AMMECR1: variants seen among roughly 807,000 people sequenced by gnomAD.
AMMECR1 encodes the protein nuclear protein AMMECR1.
Under a neutral mutation model 22.5 loss-of-function variants are expected in AMMECR1, and 3 were observed. The observed-to-expected ratio is 0.13, with a 90% CI of 0.06 to 0.35. The LOEUF (loss-of-function observed/expected upper bound fraction) is 0.35. Among genes scored for constraint, AMMECR1 ranks in the 10% least tolerant of loss-of-function variants. AMMECR1 has a pLI of 1.00. For missense variants in AMMECR1, 235 were observed against 278.7 expected (o/e 0.84, Z 1.12); for synonymous variants, 130 against 116.7 (o/e 1.11, Z -0.74).
At chrX:110,242,836 A>G (rs1249678723) in intron 2 of AMMECR1, among the ~76,000 whole-genome samples, 1 of 112,383 alleles carries the variant, frequency 8.9e-6, no homozygotes, top group Non-Finnish European at 1.9e-5. Flanking sequence ...TTTTCTAAAT[A>G]AATACTAAGA....
At chrX:110,206,292 G>A (rs887193393) in intron 3 of AMMECR1, among the ~76,000 whole-genome samples, 2 of 112,252 alleles carry the variant, frequency 1.8e-5, no homozygotes, top group African/African-American at 6.5e-5. Context: ...GAGACTGTCT[G>A]CAGATTTCAT....
intron 1 of AMMECR1, among the ~76,000 whole-genome samples, chrX:110,286,846 T>A (rs752110397): frequency 9.0e-6 from 1 of 111,244 alleles, no homozygotes; most frequent in South Asian, 3.8e-4. Context: ...CTACTGAATT[T>A]TGATACCAGT....
intron 2 of AMMECR1, among the ~76,000 whole-genome samples, chrX:110,248,847 T>A (rs143611803): frequency 3.3e-4 from 37 of 112,295 alleles, no homozygotes; most frequent in African/African-American, 1.2e-3. Context: ...GAGAGTTGTG[T>A]CTGGCTAGAA....
chrX:110,312,932 T>C (rs1390263393), intron 1 of AMMECR1, among the ~76,000 whole-genome samples: 1 of 112,741 alleles, frequency 8.9e-6, no homozygotes, highest in Non-Finnish European at 1.9e-5. Context: ...CCTCATGGCA[T>C]CATCTGCGAT....
upstream of AMMECR1, among the ~76,000 whole-genome samples, chrX:110,321,366 A>T (rs1013787708): frequency 1.8e-5 from 2 of 110,478 alleles, no homozygotes; most frequent in Admixed American, 1.9e-4. Flanking sequence ...AAAAAAAAAA[A>T]TAGGCCATAG....
At chrX:110,383,957 A>C (rs925972582) in intron 2 of AMMECR1, among the ~76,000 whole-genome samples, 3 of 112,153 alleles carry the variant, frequency 2.7e-5, no homozygotes, top group African/African-American at 9.7e-5. Context: ...CAGCTTCGTC[A>C]TGTATAAAAC....
Position 110,373,240 on chromosome X carries a change from C to T in AMMECR1, c.-148+53418G>A, listed in dbSNP as rs750236024. On this transcript the variant is annotated intron_variant, in intron 2 of 7. Coordinates refer to the AMMECR1 transcript ENST00000372057. ...GTAAATGTGCTATATTGCTTCTCTACAAACAGGATGTAGGTCATCTTCCTT... is the reference window on the plus strand; with the variant it reads ...GTAAATGTGCTATATTGCTTCTCTATAAACAGGATGTAGGTCATCTTCCTT... Among the ~76,000 whole-genome samples, 104 of 111,927 alleles carry T rather than the reference C, an allele frequency of 9.3e-4. No homozygotes were observed. The Middle Eastern group carries it at 0.023, about 25-fold the overall frequency.
intron 2 of AMMECR1, among the ~76,000 whole-genome samples, chrX:110,331,689 A>C (rs2068121477): frequency 9.0e-6 from 1 of 110,943 alleles, no homozygotes; most frequent in Non-Finnish European, 1.9e-5. Context: ...TTCCTGCTTA[A>C]AACCTTTGGT....
upstream of AMMECR1, among the ~76,000 whole-genome samples, chrX:110,320,171 T>TA (rs1333296803): frequency 1.8e-5 from 2 of 111,879 alleles, no homozygotes; most frequent in African/African-American, 6.5e-5. Context: ...ACTAGTGGAG[T>TA]AAAAAAATGC....
At chrX:110,361,060 T>C (rs944621696) in intron 2 of AMMECR1, among the ~76,000 whole-genome samples, 3 of 110,734 alleles carry the variant, frequency 2.7e-5, no homozygotes, top group Non-Finnish European at 1.9e-5. Flanking sequence ...TCAACTTGCA[T>C]GCCTAATAGG....
chrX:110,213,436 T>G (rs1602782725), intron 3 of AMMECR1, among the ~76,000 whole-genome samples: 1 of 112,772 alleles, frequency 8.9e-6, no homozygotes, highest in East Asian at 2.8e-4. Context: ...TAGCATGTAT[T>G]TCACTTCTTT....
intron 2 of AMMECR1, among the ~76,000 whole-genome samples, chrX:110,379,089 T>C (rs1222268863): frequency 8.9e-6 from 1 of 112,232 alleles, no homozygotes; most frequent in Admixed American, 9.4e-5. Context: ...CCTGATTTTT[T>C]AAGAACATGC....
intron 2 of AMMECR1, among the ~76,000 whole-genome samples, chrX:110,328,948 A>G (rs1262015346): frequency 8.9e-6 from 1 of 112,539 alleles, no homozygotes; most frequent in East Asian, 2.8e-4. Context: ...GTGTCTTTAT[A>G]ATAGAATGAT....
intron 2 of AMMECR1, among the ~76,000 whole-genome samples, chrX:110,249,772 T>C (rs188577321): frequency 9.3e-4 from 104 of 111,831 alleles, no homozygotes; most frequent in Middle Eastern, 9.1e-3. Context: ...TGGTGGCGCA[T>C]GCCTGCAGTC....
chrX:110,355,787 T>G (rs975434148), intron 2 of AMMECR1, among the ~76,000 whole-genome samples: 1 of 112,177 alleles, frequency 8.9e-6, no homozygotes, highest in African/African-American at 3.2e-5. Flanking sequence ...ACGCCCATGT[T>G]CATTTTAGTA....
At chrX:110,274,338 T>G (rs1198025739) in intron 1 of AMMECR1, among the ~76,000 whole-genome samples, 1 of 112,372 alleles carries the variant, frequency 8.9e-6, no homozygotes, top group Non-Finnish European at 1.9e-5. Flanking sequence ...AATTACTGAA[T>G]TAATAATGTT....
chrX:110,329,525 G>C (rs1287989598), intron 2 of AMMECR1, among the ~76,000 whole-genome samples: 1 of 112,230 alleles, frequency 8.9e-6, no homozygotes, highest in African/African-American at 3.2e-5. Context: ...CGGAAAGCTT[G>C]CCATTGTTTG....
chrX:110,322,691 G>A (rs1247542868), upstream of AMMECR1, among the ~76,000 whole-genome samples: 1 of 111,526 alleles, frequency 9.0e-6, no homozygotes, highest in East Asian at 2.8e-4. Flanking sequence ...TCATGGCACC[G>A]AGGAGCAGAA....
intron 2 of AMMECR1, among the ~76,000 whole-genome samples, chrX:110,404,463 C>T (rs1268408970): frequency 9.0e-6 from 1 of 111,730 alleles, no homozygotes; most frequent in African/African-American, 3.3e-5. Flanking sequence ...AGGACAAACT[C>T]CAGGGGCATG....
Sources: gnomAD v4.1 joint callset for allele counts (sites outside exome capture counted in the v4.1 genomes callset) on GRCh38, gnomAD v4.1.1 for gene constraint, MANE v1.5 for transcripts, NCBI Gene and HGNC (gene_info 2026-07-23, HGNC 2026-07-21) for gene names.